The following SGCG variants were observed in gnomAD, a reference collection of about 807,000 sequenced individuals.
SGCG encodes the protein sarcoglycan gamma.
A neutral mutation model predicts 29.3 loss-of-function variants in SGCG; 26 were observed. The observed-to-expected ratio is 0.89, with a 90% CI of 0.65 to 1.23. SGCG has a LOEUF of 1.23. SGCG is among the 50% of genes most tolerant of loss of function. The probability of loss-of-function intolerance (pLI) is 0.00; values close to 1 mark genes in which losing one functional copy is unlikely to be tolerated. For synonymous variants in SGCG, 145 were observed against 129.7 expected, an observed-to-expected ratio of 1.12 and a Z score of -0.80; for missense variants, 353 against 356.0, an observed-to-expected ratio of 0.99 and a Z score of 0.07.
chr13:23,285,273 G>A (rs1463305593), intron 5 of SGCG, among the ~76,000 whole-genome samples: 1 of 152,176 alleles, frequency 6.6e-6, no homozygotes, highest in Non-Finnish European at 1.5e-5. Flanking sequence ...TCCCTGACTG[G>A]GGCTACTGCC....
At position 23,212,786 on chromosome 13, in the gene SGCG, C is replaced by G. The variant is rs555868748; in HGVS notation, c.195+8897C>G. Among the ~76,000 whole-genome samples, 12 of 152,200 alleles carry G rather than the reference C, an allele frequency of 7.9e-5. No homozygotes were observed. In the East Asian group the frequency reaches 1.5e-3, roughly 20 times the overall value. On this transcript the variant is annotated intron_variant, in intron 2 of 7. Transcript: ENST00000218867. The stretch of plus-strand genomic sequence containing the variant: ...CTGGTGGATTGGGTCTGGGGAGGGG[C>G]TCCAGCTAAGTCCGTGTTGCAGAGC...
upstream of SGCG, among the ~76,000 whole-genome samples, chr13:23,176,250 C>T (rs1416288458): frequency 6.6e-6 from 1 of 151,918 alleles, no homozygotes; most frequent in East Asian, 1.9e-4. Flanking sequence ...GCTGGTGTAA[C>T]TTGAGTTTAG....
intron 6 of SGCG, among the ~76,000 whole-genome samples, chr13:23,313,072 T>A (rs551318879): frequency 1.5e-4 from 23 of 152,278 alleles, no homozygotes; most frequent in Middle Eastern, 6.8e-3. Context: ...TGCTTCCTGG[T>A]CTCTCATCCT....
chr13:23,255,249 T>A (rs576115752), intron 4 of SGCG, among the ~76,000 whole-genome samples: 6 of 152,352 alleles, frequency 3.9e-5, no homozygotes, highest in South Asian at 2.1e-4. Flanking sequence ...GTGGTGCTGG[T>A]CACCTTGAGG....
chr13:23,300,152 T>A (rs534045527), intron 6 of SGCG, among the ~76,000 whole-genome samples: 1 of 152,324 alleles, frequency 6.6e-6, no homozygotes, highest in African/African-American at 2.4e-5. Flanking sequence ...CGTCTGTTCA[T>A]CTACTTATCT....
the SGCG span, among the ~76,000 whole-genome samples, chr13:23,167,764 C>G: frequency 6.6e-6 from 1 of 150,444 alleles, no homozygotes; most frequent in African/African-American, 2.5e-5. Context: ...CAGAGTCTTG[C>G]TCCGGCACCC....
the SGCG span, among the ~76,000 whole-genome samples, chr13:23,167,333 AT>A: frequency 2.0e-5 from 3 of 152,140 alleles, no homozygotes; most frequent in Non-Finnish European, 4.4e-5. Context: ...TTGCTTCCAA[AT>A]CGTGGCTATT....
At chr13:23,310,333 G>T (rs147789943) in intron 6 of SGCG, among the ~76,000 whole-genome samples, 4,863 of 151,888 alleles carry the variant, frequency 0.032, 278 homozygotes, top group African/African-American at 0.11. Flanking sequence ...TGATCTGCCC[G>T]CCTCGGCCTC....
At chr13:23,168,706 A>G in the SGCG span, among the ~76,000 whole-genome samples, 2 of 152,292 alleles carry the variant, frequency 1.3e-5, no homozygotes, top group South Asian at 2.1e-4. Context: ...GCAGACAAAC[A>G]TTTTTTAATA....
At chr13:23,188,985 TA>T (rs1430394029) in intron 1 of SGCG, among the ~76,000 whole-genome samples, 1 of 152,200 alleles carries the variant, frequency 6.6e-6, no homozygotes, top group African/African-American at 2.4e-5. Context: ...ATTGGTGAAT[TA>T]AATGGGAATA....
In SGCG at chr13:23,293,286, TTCA is replaced by T. The variant is rs71682827; in HGVS notation, c.506-2128_506-2126del. On this transcript the variant is annotated intron_variant, in intron 5 of 7. Coordinates refer to ENST00000218867, the MANE Select transcript of SGCG (RefSeq NM_000231.3). ...CCTTCACTTTTGTGTGTTCCTTTATTTCAGTTGATTATAGTTTTTATGTAAATC... is the reference window on the plus strand; with the variant it reads ...CCTTCACTTTTGTGTGTTCCTTTATTGTTGATTATAGTTTTTATGTAAATC... Among the ~76,000 whole-genome samples, 90 of 152,340 alleles carry T rather than the reference TTCA, an allele frequency of 5.9e-4. 2 individuals carry two copies. In the East Asian group the frequency reaches 0.016, roughly 27 times the overall value.
At chr13:23,285,176 A>G (rs1162686841) in intron 5 of SGCG, among the ~76,000 whole-genome samples, 5 of 152,234 alleles carry the variant, frequency 3.3e-5, no homozygotes, top group Middle Eastern at 3.2e-3. Flanking sequence ...GCTGGCAGGC[A>G]GGAACATTTA....
chr13:23,299,319 A>G (rs1474855082), intron 6 of SGCG, among the ~76,000 whole-genome samples: 2 of 149,004 alleles, frequency 1.3e-5, no homozygotes, highest in Non-Finnish European at 3.0e-5. Context: ...CTTGCCATCA[A>G]CTATGTTCCA....
chr13:23,209,201 T>G (rs1878101354), intron 2 of SGCG, among the ~76,000 whole-genome samples: 2 of 152,292 alleles, frequency 1.3e-5, no homozygotes, highest in South Asian at 4.1e-4. Flanking sequence ...ATAAGTATTG[T>G]TTGTTTTAAT....
chr13:23,223,391 T>C (rs1209530277), intron 2 of SGCG, among the ~76,000 whole-genome samples: 1 of 152,006 alleles, frequency 6.6e-6, no homozygotes, highest in Non-Finnish European at 1.5e-5. Context: ...GACTAATAAA[T>C]TAGGTTGATA....
intron 2 of SGCG, among the ~76,000 whole-genome samples, chr13:23,212,866 C>T (rs1878278911): frequency 6.6e-6 from 1 of 152,142 alleles, no homozygotes; most frequent in African/African-American, 2.4e-5. Flanking sequence ...TTAAATTACA[C>T]TCAGGGAATA....
At position 23,298,809 on chromosome 13, in the gene SGCG, T is replaced by C. The variant is rs182328779; in HGVS notation, c.578+3322T>C. 7.2e-5 allele frequency among the ~76,000 whole-genome samples: 11 copies of C among 152,228 alleles called. No individual in the cohort carries two copies. In the East Asian group the frequency reaches 1.9e-3, roughly 27 times the overall value. On this transcript the variant is annotated intron_variant, in intron 6 of 7. Coordinates refer to ENST00000218867, the MANE Select transcript of SGCG (RefSeq NM_000231.3). The stretch of plus-strand genomic sequence containing the variant: ...ATGTTATCCCATTAAATCTTCTCAC[T>C]GTATATACGGCAGGCTCTTACTGAA...
chr13:23,198,812 C>T (rs1877619512), intron 1 of SGCG, among the ~76,000 whole-genome samples: 1 of 146,526 alleles, frequency 6.8e-6, no homozygotes, highest in Non-Finnish European at 1.5e-5. Context: ...TGCCACTGCA[C>T]TCCAGCCTGG....
intron 5 of SGCG, among the ~76,000 whole-genome samples, chr13:23,288,298 G>A (rs766968523): frequency 7.9e-5 from 12 of 152,116 alleles, no homozygotes; most frequent in African/African-American, 2.7e-4. Context: ...TCTTTTCTCC[G>A]CCCTTGTCAC....
Sources: allele counts gnomAD v4.1 joint callset (sites outside exome capture counted in the v4.1 genomes callset), GRCh38; gene constraint gnomAD v4.1.1; transcripts MANE v1.5; gene names NCBI Gene and HGNC (gene_info 2026-07-23, HGNC 2026-07-21).